RIGI: variants seen among roughly 807,000 people sequenced by gnomAD.
RIGI encodes the protein RNA sensor RIG-I, also known as antiviral innate immune response receptor RIG-I.
the RIGI span, among the ~76,000 whole-genome samples, chr9:32,518,298 G>C: frequency 6.6e-6 from 1 of 151,452 alleles, no homozygotes; most frequent in Non-Finnish European, 1.5e-5. Context: ...ATGTATTTTT[G>C]GTAAGGAAGG....
chr9:32,501,930 A>G, the RIGI span, among the ~76,000 whole-genome samples: 1 of 152,202 alleles, frequency 6.6e-6, no homozygotes, highest in African/African-American at 2.4e-5. Flanking sequence ...ATAAAATTCA[A>G]TGGTTTTTGG....
chr9:32,505,913 A>G, the RIGI span, among the ~76,000 whole-genome samples: 20,497 of 152,180 alleles, frequency 0.13, 1,453 homozygotes, highest in Middle Eastern at 0.29. Flanking sequence ...TCAGTTTAAC[A>G]GTATATGCTT....
the RIGI span, among the ~76,000 whole-genome samples, chr9:32,476,485 A>C: frequency 6.6e-6 from 1 of 152,020 alleles, no homozygotes; most frequent in African/African-American, 2.4e-5. Context: ...AGCCTAGGTG[A>C]CAGAGTGAGA....
chr9:32,493,496 C>T, the RIGI span, among the ~76,000 whole-genome samples: 3 of 140,970 alleles, frequency 2.1e-5, no homozygotes, highest in East Asian at 6.0e-4. Context: ...TGGTAGCACG[C>T]ACCTGTAATC....
the RIGI span, among the ~76,000 whole-genome samples, chr9:32,495,143 A>G: frequency 6.6e-6 from 1 of 152,112 alleles, no homozygotes; most frequent in Non-Finnish European, 1.5e-5. Flanking sequence ...AATCCTACCA[A>G]TCAGGCACAG....
the RIGI span, among the ~76,000 whole-genome samples, chr9:32,503,211 G>A: frequency 0.029 from 4,415 of 152,042 alleles, 179 homozygotes; most frequent in African/African-American, 0.087. Flanking sequence ...GATATTCCAC[G>A]TGGAGATGCA....
At chr9:32,481,743 G>A in the RIGI span, among the ~76,000 whole-genome samples, 1 of 151,998 alleles carries the variant, frequency 6.6e-6, no homozygotes, top group African/African-American at 2.4e-5. Context: ...GTGCCATCAC[G>A]CCTGGCTAAT....
the RIGI span, among the ~76,000 whole-genome samples, chr9:32,467,558 C>T: frequency 1.3e-5 from 2 of 152,258 alleles, no homozygotes; most frequent in Admixed American, 6.5e-5. Context: ...GGCAAGTGAG[C>T]AGCATCATTG....
the RIGI span, among the ~76,000 whole-genome samples, chr9:32,519,548 T>G: frequency 1.1e-4 from 16 of 152,208 alleles, no homozygotes; most frequent in African/African-American, 3.4e-4. Flanking sequence ...TATTATTGGT[T>G]ATTTGGAAAA....
At chr9:32,518,351 G>T in the RIGI span, among the ~76,000 whole-genome samples, 3 of 150,766 alleles carry the variant, frequency 2.0e-5, no homozygotes, top group Admixed American at 6.6e-5. Context: ...TCTTATAATG[G>T]TATTTTTTTT....
chr9:32,513,304 C>T, the RIGI span, among the ~76,000 whole-genome samples: 32 of 152,304 alleles, frequency 2.1e-4, no homozygotes, highest in African/African-American at 7.7e-4. Flanking sequence ...AGGCATCATG[C>T]TACCTGACTT....
chr9:32,482,179 GTGTT>G, the RIGI span, among the ~76,000 whole-genome samples: 2,690 of 146,068 alleles, frequency 0.018, 38 homozygotes, highest in Middle Eastern at 0.025. Flanking sequence ...GTGCATCTGT[GTGTT>G]TGTTTGTGTG....
At chr9:32,465,384 T>C in the RIGI span, among the ~76,000 whole-genome samples, 1 of 152,330 alleles carries the variant, frequency 6.6e-6, no homozygotes, top group East Asian at 1.9e-4. Flanking sequence ...ATTATGACTT[T>C]TTAAAATTAT....
the RIGI span, among the ~76,000 whole-genome samples, chr9:32,521,289 ATGTT>A: frequency 2.6e-5 from 4 of 152,152 alleles, no homozygotes; most frequent in Non-Finnish European, 5.9e-5. Context: ...TTTGAATAAA[ATGTT>A]TGTATAATAT....
At chr9:32,495,269 T>G in the RIGI span, among the ~76,000 whole-genome samples, 1 of 152,208 alleles carries the variant, frequency 6.6e-6, no homozygotes, top group African/African-American at 2.4e-5. Context: ...TGGCACGATC[T>G]CGGCTCACTG....
At chr9:32,463,397 G>C in the RIGI span, among the ~76,000 whole-genome samples, 1 of 152,052 alleles carries the variant, frequency 6.6e-6, no homozygotes, top group Non-Finnish European at 1.5e-5. Flanking sequence ...TTCTTTTTCA[G>C]ATATGGTTCT....
At chr9:32,460,643 A>C in the RIGI span, among the ~76,000 whole-genome samples, 1 of 152,208 alleles carries the variant, frequency 6.6e-6, no homozygotes, top group African/African-American at 2.4e-5. Flanking sequence ...TTAGAACTGA[A>C]AGATACAACC....
chr9:32,526,081 ATGTAGCTCAGGATGTAGG>A, the RIGI span: 1 of 1,613,696 alleles, frequency 6.2e-7, no homozygotes, highest in Non-Finnish European at 8.5e-7. Context: ...CCAGGGGGCC[ATGTAGCTCAGGATGTAGG>A]TAGGGTCCAG....
chr9:32,498,349 T>C, the RIGI span: 1 of 456,592 alleles, frequency 2.2e-6, no homozygotes, highest in East Asian at 6.9e-5. Context: ...TGACTCCTCC[T>C]GTAGCTTACT....
Sources: gnomAD v4.1 joint callset for allele counts (sites outside exome capture counted in the v4.1 genomes callset) on GRCh38, gnomAD v4.1.1 for gene constraint, MANE v1.5 for transcripts, NCBI Gene and HGNC (gene_info 2026-07-23, HGNC 2026-07-21) for gene names.